Variants in CLOCK observed in about 807,000 individuals in gnomAD.
CLOCK encodes the protein clock circadian regulator, also known as circadian locomoter output cycles protein kaput.
In CLOCK, 43 loss-of-function variants were observed where a neutral mutation model predicts 118.4. That is an observed-to-expected ratio of 0.36 (90% confidence interval 0.28 to 0.47). The LOEUF (loss-of-function observed/expected upper bound fraction) is 0.47. Ranked by LOEUF, CLOCK falls within the 20% of genes least tolerant of loss-of-function variation. The pLI, the probability that CLOCK is intolerant of heterozygous loss-of-function variation, is 1.00. For missense variants in CLOCK, 846 were observed against 999.9 expected, an observed-to-expected ratio of 0.85 and a Z score of 2.08; for synonymous variants, 326 against 339.2, an observed-to-expected ratio of 0.96 and a Z score of 0.43.
At chr4:55,447,046 T>C (rs1307276170) in intron 18 of CLOCK, among the ~76,000 whole-genome samples, 1 of 152,088 alleles carries the variant, frequency 6.6e-6, no homozygotes, top group East Asian at 1.9e-4. Context: ...GTTTTTTTTT[T>C]TGTTTTTTTT....
chr4:55,487,920 C>G (rs4864542), intron 3 of CLOCK, among the ~76,000 whole-genome samples: 51,360 of 151,876 alleles, frequency 0.34, 9,375 homozygotes, highest in East Asian at 0.58. Context: ...TTATGTCTTT[C>G]GTAAAAATCT....
At chr4:55,436,162 T>TACC (rs1432654373) in intron 22 of CLOCK, among the ~76,000 whole-genome samples, 1 of 152,180 alleles carries the variant, frequency 6.6e-6, no homozygotes, top group Non-Finnish European at 1.5e-5. Flanking sequence ...TAACAGTGCC[T>TACC]ACCACATTGG....
At chr4:55,513,975 CCTG>C (rs1370820831) in intron 1 of CLOCK, among the ~76,000 whole-genome samples, 10 of 152,062 alleles carry the variant, frequency 6.6e-5, no homozygotes, top group Non-Finnish European at 1.3e-4. Context: ...AACCTTGTAT[CCTG>C]CTACCTTGTG....
At chr4:55,474,353 C>G (rs780750889) in intron 7 of CLOCK, among the ~76,000 whole-genome samples, 10 of 152,058 alleles carry the variant, frequency 6.6e-5, no homozygotes, top group Non-Finnish European at 1.2e-4. Context: ...TAGAAGAGAA[C>G]AGAGGTAGGT....
chr4:55,505,790 A>G (rs1728758653), intron 2 of CLOCK, among the ~76,000 whole-genome samples: 3 of 151,040 alleles, frequency 2.0e-5, no homozygotes, highest in South Asian at 2.1e-4. Flanking sequence ...AGAATAGTTC[A>G]AAGAGCTTCT....
At chr4:55,505,873 T>C (rs767048554) in intron 2 of CLOCK, among the ~76,000 whole-genome samples, 10 of 151,382 alleles carry the variant, frequency 6.6e-5, no homozygotes, top group African/African-American at 1.2e-4. Context: ...TTTTGCATTA[T>C]TGTCCATATC....
chr4:55,537,937 G>C (rs1472550921), intron 1 of CLOCK, among the ~76,000 whole-genome samples: 1 of 152,114 alleles, frequency 6.6e-6, no homozygotes, highest in African/African-American at 2.4e-5. Context: ...AGTAAGCTGA[G>C]GAAAGGAAAT....
At chr4:55,520,657 A>C (rs1729798097) in intron 1 of CLOCK, among the ~76,000 whole-genome samples, 1 of 152,208 alleles carries the variant, frequency 6.6e-6, no homozygotes, top group South Asian at 2.1e-4. Context: ...TTCAGTTCTA[A>C]GGAAACAAAG....
intron 7 of CLOCK, among the ~76,000 whole-genome samples, chr4:55,471,702 A>T (rs1302463901): frequency 6.6e-6 from 1 of 151,874 alleles, no homozygotes; most frequent in Admixed American, 6.6e-5. Flanking sequence ...ACAGCTGAAG[A>T]AATGAGATCT....
intron 2 of CLOCK, among the ~76,000 whole-genome samples, chr4:55,494,400 A>T (rs974310916): frequency 6.6e-6 from 1 of 152,168 alleles, no homozygotes; most frequent in Non-Finnish European, 1.5e-5. Flanking sequence ...GGATCTTGAG[A>T]TGTGGAGATT....
At chr4:55,522,881 G>A (rs1729935169) in intron 1 of CLOCK, among the ~76,000 whole-genome samples, 2 of 152,176 alleles carry the variant, frequency 1.3e-5, no homozygotes, top group Admixed American at 1.3e-4. Context: ...AACCTAATAT[G>A]GTCATATAAA....
intron 1 of CLOCK, among the ~76,000 whole-genome samples, chr4:55,542,371 TAATAA>T (rs1560489997): frequency 0.057 from 1,154 of 20,424 alleles, 18 homozygotes; most frequent in Admixed American, 0.2. Context: ...ATAATAATAA[TAATAA>T]TAATATTATT....
chr4:55,536,009 G>C (rs200600004), intron 1 of CLOCK, among the ~76,000 whole-genome samples: 1 of 151,976 alleles, frequency 6.6e-6, no homozygotes, highest in African/African-American at 2.4e-5. Context: ...ACACAGGGCT[G>C]GAATAACAAC....
intron 21 of CLOCK, among the ~76,000 whole-genome samples, chr4:55,441,881 G>A (rs1050376891): frequency 2.0e-5 from 3 of 152,194 alleles, no homozygotes; most frequent in Non-Finnish European, 4.4e-5. Flanking sequence ...GCACTGAAAT[G>A]AAGACACCAA....
chr4:55,532,919 A>G (rs1376653851), intron 1 of CLOCK, among the ~76,000 whole-genome samples: 1 of 152,160 alleles, frequency 6.6e-6, no homozygotes. Flanking sequence ...CCAAGGAGAT[A>G]AAAGACTTGT....
intron 18 of CLOCK, among the ~76,000 whole-genome samples, chr4:55,447,964 A>G (rs1724008842): frequency 6.6e-6 from 1 of 152,194 alleles, no homozygotes; most frequent in African/African-American, 2.4e-5. Context: ...GTTAGGCTCT[A>G]AAGTAACAGC....
At chr4:55,537,511 A>C (rs1730982968) in intron 1 of CLOCK, among the ~76,000 whole-genome samples, 1 of 151,974 alleles carries the variant, frequency 6.6e-6, no homozygotes, top group Admixed American at 6.6e-5. Flanking sequence ...CCCAGCACTT[A>C]ATAGACTCTG....
chr4:55,518,566 G>C (rs777475178), intron 1 of CLOCK, among the ~76,000 whole-genome samples: 5 of 152,132 alleles, frequency 3.3e-5, no homozygotes, highest in Admixed American at 6.5e-5. Context: ...CAATGTGACA[G>C]TATTAAGACA....
At chr4:55,477,978 G>C (rs1268055683) in intron 6 of CLOCK, among the ~76,000 whole-genome samples, 2 of 152,048 alleles carry the variant, frequency 1.3e-5, no homozygotes, top group South Asian at 2.1e-4. Flanking sequence ...AATGTCATTA[G>C]TGAAATTAAC....
Sources: gnomAD v4.1 joint callset for allele counts (sites outside exome capture counted in the v4.1 genomes callset) on GRCh38, gnomAD v4.1.1 for gene constraint, MANE v1.5 for transcripts, NCBI Gene and HGNC (gene_info 2026-07-23, HGNC 2026-07-21) for gene names.